The following UBXN2A variants were observed in gnomAD, a reference collection of about 807,000 sequenced individuals.
UBXN2A encodes UBX domain-containing protein 2A.
A neutral mutation model predicts 28.4 loss-of-function variants in UBXN2A; 28 were observed. The observed-to-expected ratio is 0.99, with a 90% confidence interval of 0.73 to 1.35. UBXN2A has a LOEUF of 1.35. Ranked by LOEUF, UBXN2A falls within the 40% of genes most tolerant of loss-of-function variation. The pLI, the probability that UBXN2A is intolerant of heterozygous loss-of-function variation, is 0.00. For missense variants in UBXN2A, 253 were observed against 297.9 expected, an observed-to-expected ratio of 0.85 and a Z score of 1.11; for synonymous variants, 97 against 103.6, an observed-to-expected ratio of 0.94 and a Z score of 0.39.
chr2:23,941,189 T>C lies in UBXN2A; in HGVS notation c.-15+541T>C, dbSNP rs1049899621. On this transcript the variant is annotated intron_variant, in intron 1 of 6. Transcript: ENST00000309033. ...AGAGTTTATTACTTGTCAGCAATGA[T>C]GAATGTTCGTGTGGCATCCAGCGTT... Among the ~76,000 whole-genome samples, 6 of 152,132 alleles carry C rather than the reference T, an allele frequency of 3.9e-5. No individual in the cohort carries two copies. The South Asian group carries it at 1.0e-3, about 26-fold the overall frequency.
At position 23,986,426 on chromosome 2, in the gene UBXN2A, G is replaced by T. The variant is rs565291043; in HGVS notation, c.584+1595G>T. ...TTTAAGTAGATGCATAATTATAAAA[G>T]AATTATTTTTAATGTTTTAAATTAG... On this transcript the variant is annotated intron_variant, in intron 6 of 6. Transcript: ENST00000309033. 1.9e-4 allele frequency among the ~76,000 whole-genome samples: 29 copies of T among 152,010 alleles called. No individual in the cohort carries two copies. The South Asian group carries it at 4.4e-3, about 23-fold the overall frequency.
chr2:23,944,399 C>A, intron 1 of UBXN2A: 3 of 1,226,326 alleles, frequency 2.4e-6, no homozygotes, highest in African/African-American at 1.5e-5. Context: ...TTGTATTCAC[C>A]CATCTTTCAG....
intron 4 of UBXN2A, among the ~76,000 whole-genome samples, chr2:23,980,704 T>C (rs531048923): frequency 8.5e-5 from 13 of 152,262 alleles, no homozygotes; most frequent in African/African-American, 2.6e-4. Context: ...CTCGGCTCAC[T>C]GTAACCTCCG....
At chr2:23,964,083 G>T (rs1707055033) in intron 2 of UBXN2A, among the ~76,000 whole-genome samples, 1 of 150,606 alleles carries the variant, frequency 6.6e-6, no homozygotes, top group Non-Finnish European at 1.5e-5. Flanking sequence ...AGTGAACCAT[G>T]ATCGTGTCAC....
Position 23,958,301 on chromosome 2 carries a change from T to C in UBXN2A, c.-14T>C. ...ACTTACTTTCTTTGTACTTTTACAGTAAGGCGAAAGAGAATGAAAGACGTA... is the reference window on the plus strand; with the variant it reads ...ACTTACTTTCTTTGTACTTTTACAGCAAGGCGAAAGAGAATGAAAGACGTA... On this transcript the variant is annotated splice_region_variant and 5_prime_UTR_variant, in exon 2 of 7. Coordinates refer to ENST00000309033, the MANE Select transcript of UBXN2A (RefSeq NM_181713.4). 1 of 1,594,554 alleles carries C rather than the reference T, an allele frequency of 6.3e-7. No individual in the cohort carries two copies. Among genetic ancestry groups the C allele is most frequent in the Non-Finnish European group, 8.5e-7 (1 of 1,173,848 alleles).
rs201465150 is a variant in UBXN2A, at chr2:23,982,903, C to A, written c.295C>A (p.Pro99Thr). 2.5e-6 allele frequency: 4 copies of A among 1,600,012 alleles called. No homozygotes were observed. In the African/African-American group the frequency reaches 5.4e-5, roughly 21 times the overall value. ...CTTTCTTTGTTTTCCAAGGGAATTACCTTCAGAATTACAGGGAATTTTTGA... is the reference window on the plus strand; with the variant it reads ...CTTTCTTTGTTTTCCAAGGGAATTAACTTCAGAATTACAGGGAATTTTTGA... The part of the protein sequence containing the change: ...FLNSIKKGEL[P>T]SELQGIFDKE... The change falls in exon 5 of 7, where the codon CCT becomes ACT. Residue 99 changes from proline to threonine, a missense_variant. Transcript: ENST00000309033.
upstream of UBXN2A, among the ~76,000 whole-genome samples, chr2:23,936,180 A>C (rs1389305996): frequency 6.6e-6 from 1 of 152,222 alleles, no homozygotes; most frequent in Non-Finnish European, 1.5e-5. Flanking sequence ...TCAAGATAGC[A>C]GAAAGGTGGA....
chr2:23,963,932 CA>C (rs1219462313), intron 2 of UBXN2A, among the ~76,000 whole-genome samples: 1 of 151,944 alleles, frequency 6.6e-6, no homozygotes, highest in Admixed American at 6.6e-5. Flanking sequence ...AGTTTGAAAC[CA>C]GCCTTGTTGA....
chr2:24,002,495 G>T lies in UBXN2A; in HGVS notation c.*2628G>T. 6.6e-6 allele frequency: 1 copy of T among 151,832 alleles called. No homozygotes were observed. Among genetic ancestry groups the T allele is most frequent in the Non-Finnish European group, 1.5e-5 (1 of 68,020 alleles). The allele number at this position is 151,832 out of a possible 1,614,324, so 9.4% of individuals were successfully genotyped here. ...GCGCGATCTTGGCTCACTGCAACTT[G>T]TCCCCCCGGGTTCAAGCGATTCTTC... On this transcript the variant is annotated 3_prime_UTR_variant, in exon 7 of 7. Transcript: ENST00000309033.
chr2:23,933,899 G>T (rs56064672), intron 1 of UBXN2A, among the ~76,000 whole-genome samples: 28,136 of 152,026 alleles, frequency 0.19, 2,696 homozygotes, highest in Middle Eastern at 0.26. Flanking sequence ...TGAGAAACAC[G>T]AAATCAAGAG....
chr2:23,974,252 C>T (rs1379946949), intron 3 of UBXN2A, among the ~76,000 whole-genome samples: 7 of 137,124 alleles, frequency 5.1e-5, no homozygotes, highest in Admixed American at 2.9e-4. Flanking sequence ...CTCCTGACCT[C>T]GTGATCCGCC....
At chr2:23,993,778 C>T (rs1288564710) in intron 6 of UBXN2A, among the ~76,000 whole-genome samples, 1 of 151,360 alleles carries the variant, frequency 6.6e-6, no homozygotes, top group Non-Finnish European at 1.5e-5. Flanking sequence ...ACCTCTGCCT[C>T]CCTGGTTCAA....
chr2:23,994,139 C>A (rs115920087), intron 6 of UBXN2A, among the ~76,000 whole-genome samples: 4,706 of 152,304 alleles, frequency 0.031, 96 homozygotes, highest in South Asian at 0.046. Context: ...TGTCTTCCAG[C>A]TTCCACTCTC....
At chr2:23,946,858 CAG>C (rs1469041280) in intron 1 of UBXN2A, among the ~76,000 whole-genome samples, 1 of 150,970 alleles carries the variant, frequency 6.6e-6, no homozygotes, top group Non-Finnish European at 1.5e-5. Flanking sequence ...TCTCCCAAGT[CAG>C]AAGAGTCTCA....
rs1339941480 is a variant in UBXN2A at position 24,001,519 on chromosome 2, A to G, written c.*1652A>G. On this transcript the variant is annotated 3_prime_UTR_variant, in exon 7 of 7. Transcript: ENST00000309033. ...AAATGAAGCATGCATTGAGTGTGCC[A>G]AGGAACTAAGTGGTCCATAGCAGCA... The G allele has an allele frequency of 6.6e-6, 1 of 152,090 alleles. No homozygotes were observed. The highest frequency in any genetic ancestry group is 1.5e-5 in the Non-Finnish European group (1 of 68,022). The allele number at this position is 152,090 out of a possible 1,614,324, so 9.4% of individuals were successfully genotyped here.
At chr2:23,971,240 T>C in intron 2 of UBXN2A, 36 bp from the exon 3 acceptor site, 1 of 1,494,836 alleles carries the variant, frequency 6.7e-7, no homozygotes, top group East Asian at 2.3e-5. Flanking sequence ...AGAGACCTAA[T>C]AGTTAATAGT....
At chr2:23,945,346 GA>G (rs1353136169) in intron 1 of UBXN2A, among the ~76,000 whole-genome samples, 2 of 152,196 alleles carry the variant, frequency 1.3e-5, no homozygotes, top group African/African-American at 4.8e-5. Context: ...TCATTACTAT[GA>G]TTACAGCTAA....
At chr2:23,959,024 G>T (rs1706775452) in intron 2 of UBXN2A, among the ~76,000 whole-genome samples, 1 of 151,892 alleles carries the variant, frequency 6.6e-6, no homozygotes, top group South Asian at 2.1e-4. Context: ...AAATTTTTTT[G>T]TAGCAATGAG....
At position 23,999,713 on chromosome 2, in the gene UBXN2A, C is replaced by T; in HGVS notation, c.626C>T (p.Ser209Phe). 1 of 1,614,086 alleles carries T rather than the reference C, an allele frequency of 6.2e-7. No individual in the cohort carries two copies. Among genetic ancestry groups the T allele is most frequent in the Non-Finnish European group, 8.5e-7 (1 of 1,180,022 alleles). Residue 209 changes from serine (S) to phenylalanine (F), a missense_variant, in exon 7 of 7, where the codon TCT becomes TTT. Ser to Phe is a radical substitution (Grantham distance 155). Coordinates refer to ENST00000309033, the MANE Select transcript of UBXN2A (RefSeq NM_181713.4). ...IKDFIEKYQGSQRSPPFSLAT... is the reference protein window; with the variant it reads ...IKDFIEKYQGFQRSPPFSLAT... ...GACTTCATTGAAAAATACCAAGGAT[C>T]TCAAAGAAGTCCTCCGTTTTCCCTG... is the stretch of plus-strand genomic sequence containing the variant.
Sources: gnomAD v4.1 joint callset for allele counts (sites outside exome capture counted in the v4.1 genomes callset) on GRCh38, gnomAD v4.1.1 for gene constraint, MANE v1.5 for transcripts, NCBI Gene and HGNC (gene_info 2026-07-23, HGNC 2026-07-21) for gene names.